The following FTO variants were observed in gnomAD, a reference collection of about 807,000 sequenced individuals.
The protein encoded by FTO is alpha-ketoglutarate-dependent dioxygenase FTO.
In FTO, 47 loss-of-function variants were observed where a neutral mutation model predicts 63.9. That is an observed-to-expected ratio of 0.74 (90% confidence interval 0.58 to 0.94). The LOEUF is 0.94. FTO is among the 40% of genes least tolerant of loss of function. FTO has a pLI of 0.00. For synonymous variants in FTO, 207 were observed against 224.4 expected, an observed-to-expected ratio of 0.92 and a Z score of 0.69; for missense variants, 562 against 618.1, an observed-to-expected ratio of 0.91 and a Z score of 0.96.
intron 1 of FTO, among the ~76,000 whole-genome samples, chr16:53,778,839 T>C (rs987898122): frequency 6.1e-5 from 9 of 147,330 alleles, no homozygotes; most frequent in Non-Finnish European, 1.3e-4. Flanking sequence ...ATGTTTAACC[T>C]AAATCAATGT....
intron 4 of FTO, among the ~76,000 whole-genome samples, chr16:53,854,733 T>A (rs1376332056): frequency 6.6e-6 from 1 of 152,180 alleles, no homozygotes; most frequent in African/African-American, 2.4e-5. Flanking sequence ...CCAGATTTGT[T>A]CTATTTGTTT....
At chr16:53,743,554 T>C (rs72803663) in intron 1 of FTO, among the ~76,000 whole-genome samples, 12 of 148,968 alleles carry the variant, frequency 8.1e-5, no homozygotes, top group Admixed American at 1.4e-4. Flanking sequence ...GAAAGTGGGG[T>C]AAAGAACTTT....
chr16:54,096,911 G>A (rs546351317), intron 8 of FTO, among the ~76,000 whole-genome samples: 50 of 152,276 alleles, frequency 3.3e-4, no homozygotes, highest in Non-Finnish European at 5.0e-4. Context: ...CATTTAGTCC[G>A]TAACAGATGA....
intron 8 of FTO, among the ~76,000 whole-genome samples, chr16:54,002,925 G>A (rs186605628): frequency 2.6e-4 from 39 of 152,316 alleles, no homozygotes; most frequent in Admixed American, 3.3e-4. Context: ...CTGGGGGTCA[G>A]GTGGGCTCAC....
rs1349380216 is a variant in FTO at position 54,119,939 on chromosome 16, G to T, written c.*8024G>T. 6.6e-6 allele frequency: 1 copy of T among 152,234 alleles called. No individual in the cohort carries two copies. Among genetic ancestry groups the T allele is most frequent in the Non-Finnish European group, 1.5e-5 (1 of 68,046 alleles). The allele number at this position is 152,234 out of a possible 1,614,324, so 9.4% of individuals were successfully genotyped here. ...TGTGTATAGTTTTCAAAGAGATGCA[G>T]ACCCTGTTCGATTTCCCAAGATTTA... On this transcript the variant is annotated 3_prime_UTR_variant, in exon 9 of 9. Coordinates refer to ENST00000471389, the MANE Select transcript of FTO (RefSeq NM_001080432.3).
chr16:53,991,562 A>G (rs556529512), intron 8 of FTO: 1 of 152,302 alleles, frequency 6.6e-6, no homozygotes, highest in Admixed American at 6.5e-5. Flanking sequence ...CAGCTTTAAC[A>G]CAATTTTTTA....
At chr16:54,081,765 G>C (rs923196201) in intron 8 of FTO, among the ~76,000 whole-genome samples, 1 of 152,114 alleles carries the variant, frequency 6.6e-6, no homozygotes, top group Non-Finnish European at 1.5e-5. Flanking sequence ...TTCAGGAGAG[G>C]ATGGGCCATT....
At chr16:53,927,516 G>A (rs2082174828) in intron 7 of FTO, among the ~76,000 whole-genome samples, 1 of 152,170 alleles carries the variant, frequency 6.6e-6, no homozygotes, top group South Asian at 2.1e-4. Flanking sequence ...GAAGGTAGAA[G>A]CGTAGAGATG....
chr16:53,911,401 G>T, intron 7 of FTO: 1 of 703,236 alleles, frequency 1.4e-6, no homozygotes, highest in Non-Finnish European at 2.6e-6. Context: ...GAAAGTCAGC[G>T]AATGTAATAG....
chr16:53,761,148 G>A (rs575275767), intron 1 of FTO, among the ~76,000 whole-genome samples: 1 of 150,872 alleles, frequency 6.6e-6, no homozygotes, highest in African/African-American at 2.4e-5. Flanking sequence ...CCAGTCTGGT[G>A]TGCAGTGGCA....
At chr16:54,074,405 G>C (rs1230031956) in intron 8 of FTO, among the ~76,000 whole-genome samples, 1 of 152,132 alleles carries the variant, frequency 6.6e-6, no homozygotes, top group African/African-American at 2.4e-5. Flanking sequence ...AGGAATATTT[G>C]AGCCTGTTGC....
At chr16:53,755,550 A>AAATCATC (rs1418678763) in intron 1 of FTO, among the ~76,000 whole-genome samples, 1 of 152,216 alleles carries the variant, frequency 6.6e-6, no homozygotes, top group African/African-American at 2.4e-5. Flanking sequence ...TGTTTGAATG[A>AAATCATC]AATCATCAAT....
At position 54,120,042 on chromosome 16, in the gene FTO, C is replaced by A. The variant is rs1207178046; in HGVS notation, c.*8127C>A. 1 of 152,226 alleles carries A rather than the reference C, an allele frequency of 6.6e-6. No individual in the cohort carries two copies. The highest frequency in any genetic ancestry group is 1.5e-5 in the Non-Finnish European group (1 of 68,032). The allele number at this position is 152,226 out of a possible 1,614,324, so 9.4% of individuals were successfully genotyped here. A position where few individuals can be genotyped will look rare whatever the true frequency, so the allele number is the denominator to read the frequency against. ...GTGCCCATTAAGTGAGCTGTGCGTGCAGAATGGGAGAGGCATCCCTGCCAA... is the reference window on the plus strand; with the variant it reads ...GTGCCCATTAAGTGAGCTGTGCGTGAAGAATGGGAGAGGCATCCCTGCCAA... On this transcript the variant is annotated 3_prime_UTR_variant, in exon 9 of 9. Transcript: ENST00000471389.
Position 53,794,638 on chromosome 16 carries a change from TGAGGG to T in FTO, c.46-15500_46-15496del, listed in dbSNP as rs560003474. Among the ~76,000 whole-genome samples, 270 of 152,240 alleles carry T rather than the reference TGAGGG, an allele frequency of 1.8e-3. 1 individual carries two copies. Among genetic ancestry groups the T allele is most frequent in the African/African-American group, 6.0e-3 (250 of 41,536 alleles). On this transcript the variant is annotated intron_variant, in intron 1 of 8. Transcript: ENST00000471389. ...CCAGTTTATATGGAGCTGTGGGTCT[TGAGGG>T]GCAGGAGGAGATAGATTCAATTTCA... is the stretch of plus-strand genomic sequence containing the variant.
intron 8 of FTO, among the ~76,000 whole-genome samples, chr16:54,058,122 G>C (rs1235436956): frequency 1.3e-5 from 2 of 151,896 alleles, no homozygotes; most frequent in African/African-American, 4.8e-5. Context: ...TATTTTTTGA[G>C]GGGGGAGACA....
intron 7 of FTO, among the ~76,000 whole-genome samples, chr16:53,893,557 T>A (rs1175887851): frequency 6.6e-6 from 1 of 152,170 alleles, no homozygotes; most frequent in African/African-American, 2.4e-5. Flanking sequence ...ACATTTATTT[T>A]ACCTATAAAA....
At chr16:53,728,390 C>G (rs1260252826) in intron 1 of FTO, among the ~76,000 whole-genome samples, 1 of 152,176 alleles carries the variant, frequency 6.6e-6, no homozygotes, top group Non-Finnish European at 1.5e-5. Context: ...AACTACCAAT[C>G]TGAGTAGGCT....
chr16:54,068,208 CTTG>C (rs2085778567), intron 8 of FTO, among the ~76,000 whole-genome samples: 1 of 152,156 alleles, frequency 6.6e-6, no homozygotes, highest in African/African-American at 2.4e-5. Flanking sequence ...TTGAAATGTC[CTTG>C]TTGTCTTCCT....
At chr16:54,091,326 C>T (rs2086379005) in intron 8 of FTO, among the ~76,000 whole-genome samples, 1 of 152,146 alleles carries the variant, frequency 6.6e-6, no homozygotes, top group Non-Finnish European at 1.5e-5. Context: ...AGAAGGATTG[C>T]TTGAGGCCAG....
Sources: allele counts gnomAD v4.1 joint callset (sites outside exome capture counted in the v4.1 genomes callset), GRCh38; gene constraint gnomAD v4.1.1; transcripts MANE v1.5; gene names NCBI Gene and HGNC (gene_info 2026-07-23, HGNC 2026-07-21).